Variants in CYYR1 observed in about 807,000 individuals in gnomAD.
CYYR1 encodes cysteine and tyrosine rich 1.
A neutral mutation model predicts 15.2 loss-of-function variants in CYYR1; 14 were observed. That is an observed-to-expected ratio of 0.92 (90% CI 0.61 to 1.44). The LOEUF is 1.44. CYYR1 is among the 40% of genes most tolerant of loss of function. The probability of loss-of-function intolerance (pLI) is 0.00; values close to 1 mark genes in which losing one functional copy is unlikely to be tolerated. For missense variants in CYYR1, 228 were observed against 209.5 expected (o/e 1.09, Z -0.54); for synonymous variants, 80 against 77.4 (o/e 1.03, Z -0.18).
chr21:26,495,553 A>G (rs1292466351), intron 2 of CYYR1, among the ~76,000 whole-genome samples: 2 of 84,068 alleles, frequency 2.4e-5, no homozygotes, highest in Non-Finnish European at 6.5e-5. Context: ...CCAACTGCAC[A>G]AAGACCTGTT....
chr21:26,531,691 A>T (rs2065932345), intron 2 of CYYR1, among the ~76,000 whole-genome samples: 1 of 152,134 alleles, frequency 6.6e-6, no homozygotes, highest in African/African-American at 2.4e-5. Flanking sequence ...TTTTCTTCAT[A>T]AATTACCCAG....
intron 2 of CYYR1, among the ~76,000 whole-genome samples, chr21:26,517,416 C>T (rs1033745450): frequency 6.6e-6 from 1 of 152,072 alleles, no homozygotes; most frequent in Non-Finnish European, 1.5e-5. Flanking sequence ...AGCAGAAAAA[C>T]TTATTTGTCT....
In CYYR1 at chr21:26,499,239, A is replaced by G. The variant is rs369926546; in HGVS notation, c.177-18810T>C. 1.3e-4 allele frequency among the ~76,000 whole-genome samples: 20 copies of G among 152,336 alleles called. No homozygotes were observed. The East Asian group carries it at 3.5e-3, about 26-fold the overall frequency. On this transcript the variant is annotated intron_variant, in intron 2 of 3. Transcript: ENST00000652641. ...GGGTTCATACTGGATTACCTGGGTC[A>G]GCCCTAAATACAACGATGAGTATTT...
intron 3 of CYYR1, chr21:26,477,876 C>T (rs2065124136): frequency 7.9e-7 from 1 of 1,265,988 alleles, no homozygotes; most frequent in African/African-American, 1.5e-5. Context: ...ATTCCAACAT[C>T]TTTACAGTAA....
At chr21:26,552,731 C>G (rs1027671491) in intron 2 of CYYR1, among the ~76,000 whole-genome samples, 2 of 152,006 alleles carry the variant, frequency 1.3e-5, no homozygotes, top group African/African-American at 4.8e-5. Context: ...AATTTTGTAT[C>G]ATTTTAGTTG....
At chr21:26,474,038 T>C (rs996147564) in intron 3 of CYYR1, among the ~76,000 whole-genome samples, 17 of 133,182 alleles carry the variant, frequency 1.3e-4, no homozygotes, top group African/African-American at 4.6e-4. Context: ...GTTGTGTGTT[T>C]TTTGTTTTCG....
In CYYR1 at chr21:26,573,101, G is replaced by C; in HGVS notation, c.-161C>G. ...GAGCCTTCCAAGGGAGCCCGGGCCG[G>C]GCGCGTCCCGGGCCAGCGACTGCGG... On this transcript the variant is annotated 5_prime_UTR_variant, in exon 1 of 4. Coordinates refer to ENST00000652641, the MANE Select transcript of CYYR1 (RefSeq NM_001320768.2). 1 of 1,519,908 alleles carries C rather than the reference G, an allele frequency of 6.6e-7. No homozygotes were observed. Among genetic ancestry groups the C allele is most frequent in the Non-Finnish European group, 8.8e-7 (1 of 1,138,208 alleles). The allele number at this position is 1,519,908 out of a possible 1,614,324, so 94.2% of individuals were successfully genotyped here.
At chr21:26,529,673 A>G (rs967212729) in intron 2 of CYYR1, among the ~76,000 whole-genome samples, 1 of 152,246 alleles carries the variant, frequency 6.6e-6, no homozygotes, top group African/African-American at 2.4e-5. Flanking sequence ...GCGGTTTGCA[A>G]CAGCCAAGAA....
At chr21:26,473,304 G>T (rs2065059256) in intron 3 of CYYR1, among the ~76,000 whole-genome samples, 1 of 151,508 alleles carries the variant, frequency 6.6e-6, no homozygotes, top group East Asian at 1.9e-4. Context: ...TTAAATAAAG[G>T]CCCACACAGC....
intron 2 of CYYR1, among the ~76,000 whole-genome samples, chr21:26,563,781 G>C (rs1980408592): frequency 6.6e-6 from 1 of 152,108 alleles, no homozygotes; most frequent in Non-Finnish European, 1.5e-5. Context: ...ACCTCAGCAA[G>C]GACAGTCAAG....
At chr21:26,511,343 C>T (rs2065645446) in intron 2 of CYYR1, among the ~76,000 whole-genome samples, 1 of 152,176 alleles carries the variant, frequency 6.6e-6, no homozygotes, top group Non-Finnish European at 1.5e-5. Flanking sequence ...GGGTAACCAA[C>T]ACATAAAAAC....
chr21:26,467,477 C>T lies in CYYR1; in HGVS notation c.*1024G>A, dbSNP rs966837611. 1.3e-5 allele frequency: 2 copies of T among 152,060 alleles called. No homozygotes were observed. The highest frequency in any genetic ancestry group is 2.4e-5 in the African/African-American group (1 of 41,406). The allele number at this position is 152,060 out of a possible 1,614,324, so 9.4% of individuals were successfully genotyped here. A position where few individuals can be genotyped will look rare whatever the true frequency, so the allele number is the denominator to read the frequency against. On this transcript the variant is annotated 3_prime_UTR_variant, in exon 4 of 4. Coordinates refer to ENST00000652641, the MANE Select transcript of CYYR1 (RefSeq NM_001320768.2). ...AGAAGGGAATCTGAACTTCATTTCC[C>T]ACTTTATTTTTGCGAGTCTGTTGTG...
At chr21:26,560,761 T>C (rs1255442328) in intron 2 of CYYR1, among the ~76,000 whole-genome samples, 1 of 152,136 alleles carries the variant, frequency 6.6e-6, no homozygotes, top group Non-Finnish European at 1.5e-5. Context: ...CACTGCATTT[T>C]GTGCTTCCAG....
At chr21:26,572,543 C>T (rs927114724) in intron 1 of CYYR1, among the ~76,000 whole-genome samples, 1 of 152,184 alleles carries the variant, frequency 6.6e-6, no homozygotes, top group African/African-American at 2.4e-5. Context: ...AGGCCACTGC[C>T]TAGCCTATCC....
chr21:26,497,300 T>C (rs992211156), intron 2 of CYYR1, among the ~76,000 whole-genome samples: 1 of 152,182 alleles, frequency 6.6e-6, no homozygotes, highest in African/African-American at 2.4e-5. Context: ...ATTATGCCAA[T>C]CAATTCACCA....
At chr21:26,499,846 T>G (rs888628093) in intron 2 of CYYR1, among the ~76,000 whole-genome samples, 21 of 151,770 alleles carry the variant, frequency 1.4e-4, no homozygotes, top group African/African-American at 5.1e-4. Flanking sequence ...GTTTTTTTTT[T>G]TTTTTTCAGA....
chr21:26,564,805 C>T, intron 2 of CYYR1: 1 of 1,248,798 alleles, frequency 8.0e-7, no homozygotes, highest in Non-Finnish European at 1.0e-6. Flanking sequence ...ATACTCGCAC[C>T]TCTACCTGGG....
At chr21:26,522,540 C>T (rs1462540279) in intron 2 of CYYR1, among the ~76,000 whole-genome samples, 2 of 152,176 alleles carry the variant, frequency 1.3e-5, no homozygotes, top group African/African-American at 4.8e-5. Context: ...TTTGCTTTCA[C>T]ATCTTACATT....
At chr21:26,502,236 C>T (rs1341490850) in intron 2 of CYYR1, among the ~76,000 whole-genome samples, 1 of 151,148 alleles carries the variant, frequency 6.6e-6, no homozygotes, top group Non-Finnish European at 1.5e-5. Flanking sequence ...ATCAAAGATA[C>T]TCTGCTCCCC....
Sources: gnomAD v4.1 joint callset for allele counts (sites outside exome capture counted in the v4.1 genomes callset) on GRCh38, gnomAD v4.1.1 for gene constraint, MANE v1.5 for transcripts, NCBI Gene and HGNC (gene_info 2026-07-23, HGNC 2026-07-21) for gene names.